GAREM2: variants seen among roughly 807,000 people sequenced by gnomAD.
GAREM2 encodes the protein GRB2 associated regulator of MAPK1 subtype 2.
A neutral mutation model predicts 55.6 loss-of-function variants in GAREM2; 30 were observed. The observed-to-expected ratio is 0.54, with a 90% CI of 0.40 to 0.73. GAREM2 has a LOEUF of 0.73. GAREM2 is among the 30% of genes least tolerant of loss of function. The pLI, the probability that GAREM2 is intolerant of heterozygous loss-of-function variation, is 0.00. For synonymous variants in GAREM2, 550 were observed against 569.1 expected (o/e 0.97, Z 0.48); for missense variants, 1,075 against 1,257.7 (o/e 0.85, Z 2.20).
At chr2:26,194,630 A>G (rs1056729658), downstream of GAREM2, 13 of 1,608,382 alleles carry the variant, frequency 8.1e-6, no homozygotes, top group Middle Eastern at 1.7e-4. Flanking sequence ...TATAGAAGCC[A>G]GGTCCATCCT....
the GAREM2 span, chr2:26,201,207 A>G: frequency 2.5e-6 from 4 of 1,613,786 alleles, no homozygotes; most frequent in Non-Finnish European, 2.5e-6. Context: ...CACAGCTTCA[A>G]TCACCATGTC....
chr2:26,198,755 A>G, the GAREM2 span, among the ~76,000 whole-genome samples: 6 of 152,174 alleles, frequency 3.9e-5, no homozygotes, highest in African/African-American at 1.4e-4. Context: ...ATTTTAGTTA[A>G]TCAAGAGTGG....
At chr2:26,174,225 C>T (rs1462921921) in intron 1 of GAREM2, among the ~76,000 whole-genome samples, 1 of 152,178 alleles carries the variant, frequency 6.6e-6, no homozygotes, top group Non-Finnish European at 1.5e-5. Context: ...TCCTCCGTGG[C>T]GGCCAGGAGT....
At chr2:26,194,722 A>G in the GAREM2 span, 1 of 888,874 alleles carries the variant, frequency 1.1e-6, no homozygotes, top group Non-Finnish European at 1.9e-6. Flanking sequence ...GGTCACTTCA[A>G]AGTCATTTGA....
chr2:26,203,996 AC>A, the GAREM2 span: 2 of 1,539,726 alleles, frequency 1.3e-6, no homozygotes, highest in Non-Finnish European at 1.8e-6. Context: ...CCAAGCCACC[AC>A]AAAAAACAAC....
intron 4 of GAREM2, among the ~76,000 whole-genome samples, chr2:26,185,826 C>G (rs1414819839): frequency 1.3e-5 from 2 of 152,212 alleles, no homozygotes; most frequent in African/African-American, 4.8e-5. Context: ...ACGCTTCCTT[C>G]CCTCTGTCCC....
chr2:26,197,925 C>G, the GAREM2 span: 1 of 706,138 alleles, frequency 1.4e-6, no homozygotes, highest in East Asian at 2.7e-5. Context: ...CAGACATTGA[C>G]GGATCACCTA....
At chr2:26,199,826 C>T in the GAREM2 span, among the ~76,000 whole-genome samples, 8 of 152,110 alleles carry the variant, frequency 5.3e-5, no homozygotes, top group African/African-American at 1.2e-4. Context: ...TGTGGTGAGA[C>T]GACTAAGTGA....
At chr2:26,192,066 GT>G (rs1669522960), downstream of GAREM2, among the ~76,000 whole-genome samples, 1 of 152,202 alleles carries the variant, frequency 6.6e-6, no homozygotes, top group Admixed American at 6.5e-5. Context: ...CAAGGAGCAC[GT>G]GCGAGGGCCT....
downstream of GAREM2, among the ~76,000 whole-genome samples, chr2:26,192,661 G>A (rs1483281250): frequency 6.6e-6 from 1 of 151,974 alleles, no homozygotes; most frequent in Non-Finnish European, 1.5e-5. Context: ...CAGGAGGATC[G>A]CTTGAACCCG....
At chr2:26,181,280 C>T in intron 2 of GAREM2, 1 of 295,096 alleles carries the variant, frequency 3.4e-6, no homozygotes, top group Non-Finnish European at 5.0e-6. Context: ...AAGTCCTTCC[C>T]TGCAGGCACG....
At chr2:26,180,972 T>A in intron 2 of GAREM2, 8 of 985,538 alleles carry the variant, frequency 8.1e-6, no homozygotes, top group Non-Finnish European at 8.4e-6. Flanking sequence ...CTGAGTCCCT[T>A]CCTTCCCCAC....
chr2:26,175,597 GA>G lies in GAREM2; in HGVS notation c.113-746del, dbSNP rs1668838346. Among the ~76,000 whole-genome samples the G allele has an allele frequency of 2.0e-5, 3 of 152,310 alleles. No homozygotes were observed. In the South Asian group the frequency reaches 6.2e-4, roughly 32 times the overall value. On this transcript the variant is annotated intron_variant, in intron 1 of 5. Transcript: ENST00000401533. ...ACAAGGCAGTGGGTGGCTTCTCTGAGATGGGGTTGGGGGTTTCTGGGGACTC... is the reference window on the plus strand; with the variant it reads ...ACAAGGCAGTGGGTGGCTTCTCTGAGTGGGGTTGGGGGTTTCTGGGGACTC...
In GAREM2 at chr2:26,179,897, C is replaced by T. The variant is rs1030660497; in HGVS notation, c.254-3070C>T. Reference sequence around the variant, plus strand: ...AGGGGGCAGTGGGCATTGCTCCCTGCCTGGCTACTTGTGGTTGGGGCAGGG... The same window carrying T: ...AGGGGGCAGTGGGCATTGCTCCCTGTCTGGCTACTTGTGGTTGGGGCAGGG... On this transcript the variant is annotated intron_variant, in intron 2 of 5. Transcript: ENST00000401533. The surrounding 1 kb of genome is among the most constrained non-coding windows in gnomAD (Gnocchi z 4.7). Among the ~76,000 whole-genome samples the T allele has an allele frequency of 5.3e-5, 8 of 151,942 alleles. No individual in the cohort carries two copies. The highest frequency in any genetic ancestry group is 1.9e-4 in the African/African-American group (8 of 41,364).
intron 2 of GAREM2, among the ~76,000 whole-genome samples, chr2:26,180,107 C>T (rs1307543486): frequency 6.6e-6 from 1 of 152,056 alleles, no homozygotes; most frequent in African/African-American, 2.4e-5. Context: ...CAGGAGGGTC[C>T]CAGGGCGGGG....
chr2:26,198,897 T>G, the GAREM2 span, among the ~76,000 whole-genome samples: 2 of 140,042 alleles, frequency 1.4e-5, no homozygotes, highest in African/African-American at 5.2e-5. Context: ...AAAACATAAC[T>G]TTTTTTTTTT....
At chr2:26,194,247 T>C (rs368278562), downstream of GAREM2, among the ~76,000 whole-genome samples, 12 of 152,234 alleles carry the variant, frequency 7.9e-5, no homozygotes, top group African/African-American at 1.9e-4. Flanking sequence ...GCAGCACCAG[T>C]TGAACCAAGC....
At chr2:26,185,944 T>C (rs752430730) in intron 4 of GAREM2, among the ~76,000 whole-genome samples, 1 of 152,056 alleles carries the variant, frequency 6.6e-6, no homozygotes, top group Non-Finnish European at 1.5e-5. Context: ...ACATCCATGA[T>C]GGATTTCCAA....
the GAREM2 span, among the ~76,000 whole-genome samples, chr2:26,198,428 T>C: frequency 2.7e-5 from 4 of 147,628 alleles, no homozygotes; most frequent in Admixed American, 2.8e-4. Flanking sequence ...CAGGCTGGAG[T>C]GTAGTGGTGC....
Sources: allele counts gnomAD v4.1 joint callset (sites outside exome capture counted in the v4.1 genomes callset), GRCh38; gene constraint gnomAD v4.1.1; non-coding constraint Gnocchi (gnomAD v3.1); transcripts MANE v1.5; gene names NCBI Gene and HGNC (gene_info 2026-07-23, HGNC 2026-07-21).